The following FRMD4B variants were observed in gnomAD, a reference collection of about 807,000 sequenced individuals.
The protein encoded by FRMD4B is FERM domain-containing protein 4B.
Under a neutral mutation model 141.5 loss-of-function variants are expected in FRMD4B, and 74 were observed. The observed-to-expected ratio is 0.52, with a 90% CI of 0.43 to 0.63. The LOEUF (loss-of-function observed/expected upper bound fraction) is 0.63. FRMD4B is among the 30% of genes least tolerant of loss of function. FRMD4B has a pLI of 0.00. For missense variants in FRMD4B, 1,366 were observed against 1,253.4 expected, an observed-to-expected ratio of 1.09 and a Z score of -1.36; for synonymous variants, 506 against 467.9, an observed-to-expected ratio of 1.08 and a Z score of -1.05.
chr3:69,329,668 C>T (rs1410343867), intron 1 of FRMD4B, among the ~76,000 whole-genome samples: 1 of 151,548 alleles, frequency 6.6e-6, no homozygotes, highest in East Asian at 1.9e-4. Flanking sequence ...GCTGGGATTA[C>T]AGGCGCCCGC....
intron 1 of FRMD4B, among the ~76,000 whole-genome samples, chr3:69,492,929 G>A (rs987600655): frequency 1.9e-4 from 29 of 152,156 alleles, no homozygotes; most frequent in African/African-American, 6.8e-4. Context: ...TTTTATGTAT[G>A]AGTGTTTCAA....
chr3:69,525,712 C>T (rs1394693190), intron 1 of FRMD4B, among the ~76,000 whole-genome samples: 1 of 152,046 alleles, frequency 6.6e-6, no homozygotes, highest in Admixed American at 6.6e-5. Context: ...AGTGCAGTGG[C>T]ACAATCACGG....
chr3:69,352,618 C>A (rs1463459830), intron 1 of FRMD4B, among the ~76,000 whole-genome samples: 1 of 152,136 alleles, frequency 6.6e-6, no homozygotes, highest in African/African-American at 2.4e-5. Flanking sequence ...TGGAGTTGGA[C>A]TTAATGAGTT....
chr3:69,257,804 GGT>G (rs2093501984), intron 5 of FRMD4B, among the ~76,000 whole-genome samples: 1 of 151,778 alleles, frequency 6.6e-6, no homozygotes, highest in African/African-American at 2.4e-5. Flanking sequence ...CGGGACTACA[GGT>G]GTGTATCACC....
chr3:69,491,851 G>C (rs986526622), intron 1 of FRMD4B, among the ~76,000 whole-genome samples: 1 of 152,170 alleles, frequency 6.6e-6, no homozygotes, highest in African/African-American at 2.4e-5. Flanking sequence ...CTCCAGGTAT[G>C]AACATTTGAA....
intron 2 of FRMD4B, chr3:69,432,564 C>T (rs775741581): frequency 6.8e-6 from 1 of 147,732 alleles, no homozygotes; most frequent in Non-Finnish European, 1.5e-5. Context: ...CATGCAAACA[C>T]ACATAAACTC....
chr3:69,246,946 G>A (rs1441971100), intron 7 of FRMD4B, among the ~76,000 whole-genome samples: 2 of 152,156 alleles, frequency 1.3e-5, no homozygotes, highest in African/African-American at 4.8e-5. Context: ...CCTCAGGCAA[G>A]GGATCTTCCC....
At chr3:69,353,827 A>T in intron 1 of FRMD4B, 1 of 382,780 alleles carries the variant, frequency 2.6e-6, no homozygotes, top group Non-Finnish European at 3.6e-6. Context: ...ATGGGAAAAT[A>T]AAAACAACTA....
intron 19 of FRMD4B, among the ~76,000 whole-genome samples, chr3:69,183,771 C>A (rs1043319726): frequency 6.6e-6 from 1 of 150,810 alleles, no homozygotes. Flanking sequence ...CGTGAGCCAC[C>A]GCGCCCAGCC....
chr3:69,449,859 T>C (rs1364395697), intron 1 of FRMD4B, among the ~76,000 whole-genome samples: 1 of 152,222 alleles, frequency 6.6e-6, no homozygotes, highest in Non-Finnish European at 1.5e-5. Flanking sequence ...CTCCATACTT[T>C]AAGACAATCA....
intron 1 of FRMD4B, among the ~76,000 whole-genome samples, chr3:69,480,010 G>T (rs1417874204): frequency 6.6e-6 from 1 of 152,114 alleles, no homozygotes; most frequent in Non-Finnish European, 1.5e-5. Flanking sequence ...TGCTCCTGAG[G>T]CTTCTGCATT....
intron 1 of FRMD4B, among the ~76,000 whole-genome samples, chr3:69,379,881 T>C (rs2106675360): frequency 6.6e-6 from 1 of 152,350 alleles, no homozygotes; most frequent in African/African-American, 2.4e-5. Flanking sequence ...CAAAACTTTA[T>C]TTACAAAAAC....
intron 5 of FRMD4B, among the ~76,000 whole-genome samples, chr3:69,255,582 A>G (rs917162986): frequency 2.0e-5 from 3 of 152,114 alleles, no homozygotes; most frequent in Non-Finnish European, 4.4e-5. Flanking sequence ...ATATAGACAT[A>G]TATTCCTGGA....
intron 11 of FRMD4B, among the ~76,000 whole-genome samples, chr3:69,211,040 AG>A (rs1262794966): frequency 7.6e-5 from 11 of 144,108 alleles, no homozygotes; most frequent in Admixed American, 6.1e-4. Flanking sequence ...AAAAAAAAAA[AG>A]AAAGAAAATT....
At chr3:69,213,243 T>A (rs2093104126) in intron 11 of FRMD4B, among the ~76,000 whole-genome samples, 2 of 152,134 alleles carry the variant, frequency 1.3e-5, no homozygotes, top group Non-Finnish European at 2.9e-5. Context: ...ACCATTTTTT[T>A]AACAGTTGCT....
intron 1 of FRMD4B, among the ~76,000 whole-genome samples, chr3:69,375,219 TCCCATCCATCCATCCAC>T (rs765687147): frequency 0.073 from 9,363 of 128,982 alleles, 544 homozygotes; most frequent in African/African-American, 0.093. Flanking sequence ...ATCCACCCCA[TCCCATCCATCCATCCAC>T]CCCATCCCAT....
chr3:69,372,794 T>C (rs1703863721), intron 1 of FRMD4B, among the ~76,000 whole-genome samples: 1 of 152,240 alleles, frequency 6.6e-6, no homozygotes, highest in African/African-American at 2.4e-5. Flanking sequence ...TGTATATGTG[T>C]GTACATACCT....
intron 1 of FRMD4B, among the ~76,000 whole-genome samples, chr3:69,478,944 CT>C: frequency 6.7e-6 from 1 of 148,166 alleles, no homozygotes; most frequent in Admixed American, 6.7e-5. Context: ...GAATTGATCC[CT>C]TTACCATTAT....
intron 1 of FRMD4B, among the ~76,000 whole-genome samples, chr3:69,475,619 G>T (rs953917220): frequency 1.2e-4 from 19 of 152,168 alleles, no homozygotes; most frequent in African/African-American, 4.6e-4. Flanking sequence ...TTGGACATTT[G>T]GGTTGGTTCC....
Sources: allele counts gnomAD v4.1 joint callset (sites outside exome capture counted in the v4.1 genomes callset), GRCh38; gene constraint gnomAD v4.1.1; transcripts MANE v1.5; gene names NCBI Gene and HGNC (gene_info 2026-07-23, HGNC 2026-07-21).